Variants in ATXN10 observed in about 807,000 individuals in gnomAD.
The protein encoded by ATXN10 is ataxin-10.
Under a neutral mutation model 52.9 loss-of-function variants are expected in ATXN10, and 28 were observed. That is an observed-to-expected ratio of 0.53 (90% CI 0.39 to 0.73). The LOEUF is 0.73. ATXN10 is among the 30% of genes least tolerant of loss of function. The pLI is 0.00. For synonymous variants in ATXN10, 226 were observed against 221.5 expected (o/e 1.02, Z -0.18); for missense variants, 565 against 577.0 (o/e 0.98, Z 0.21).
intron 5 of ATXN10, among the ~76,000 whole-genome samples, chr22:45,711,275 A>G (rs13056267): frequency 6.6e-6 from 1 of 152,158 alleles, no homozygotes; most frequent in African/African-American, 2.4e-5. Context: ...ATGAATCCCC[A>G]AAGGTTAAAT....
In ATXN10 at chr22:45,795,490, A is replaced by T. The variant is rs1218892726; in HGVS notation, c.1174-11469A>T. ...CAGTGGCGCGATCTCAGCTCACTGC[A>T]ACCTCTGCCTACCAGGTTCAAGCAA... is the stretch of plus-strand genomic sequence containing the variant. On this transcript the variant is annotated intron_variant, in intron 9 of 11. Transcript: ENST00000252934. This position sits in a 1 kb window ranked among gnomAD's most constrained non-coding sequence, Gnocchi z 4.6. Among the ~76,000 whole-genome samples, 1 of 151,876 alleles carries T rather than the reference A, an allele frequency of 6.6e-6. No individual in the cohort carries two copies.
At chr22:45,773,910 C>T (rs1926862806) in intron 9 of ATXN10, among the ~76,000 whole-genome samples, 1 of 152,190 alleles carries the variant, frequency 6.6e-6, no homozygotes, top group Non-Finnish European at 1.5e-5. Context: ...ATGGGTTTAT[C>T]CACAGGTGTA....
At position 45,740,384 on chromosome 22, in the gene ATXN10, T is replaced by C. The variant is rs1201696862; in HGVS notation, c.1019T>C (p.Ile340Thr). 1 of 1,613,788 alleles carries C rather than the reference T, an allele frequency of 6.2e-7. No individual in the cohort carries two copies. The highest frequency in any genetic ancestry group is 8.5e-7 in the Non-Finnish European group (1 of 1,179,890). The change falls in exon 9 of 12, where the codon ATT becomes ACT. Residue 340 changes from isoleucine to threonine, a missense_variant. By Grantham distance (89) the Ile-to-Thr change is moderately conservative (BLOSUM62 -1). Transcript: ENST00000252934. Reference sequence around the variant, plus strand: ...TTGGTTATAGATCTTTTGCGGGTGATTCATGTAGCTGGAAAAGAAACCACA... The same window carrying C: ...TTGGTTATAGATCTTTTGCGGGTGACTCATGTAGCTGGAAAAGAAACCACA... ...LERVIDLLRV[I>T]HVAGKETTNI...
rs541463691 is a variant in ATXN10 at position 45,750,360 on chromosome 22, T to C, written c.1173+9822T>C. 6.6e-6 allele frequency among the ~76,000 whole-genome samples: 1 copy of C among 152,238 alleles called. No individual in the cohort carries two copies. Among genetic ancestry groups the C allele is most frequent in the South Asian group, 2.1e-4 (1 of 4,822 alleles). On this transcript the variant is annotated intron_variant, in intron 9 of 11. Coordinates refer to ENST00000252934, the MANE Select transcript of ATXN10 (RefSeq NM_013236.4). This position sits in a 1 kb window ranked among gnomAD's most constrained non-coding sequence, Gnocchi z 4.2. Reference sequence around the variant, plus strand: ...GTCTGTCCACCTTGGCCTCCCAAAGTGCTAGGATTACAGGTGTGAGTCACC... The same window carrying C: ...GTCTGTCCACCTTGGCCTCCCAAAGCGCTAGGATTACAGGTGTGAGTCACC...
intron 1 of ATXN10, chr22:45,680,278 TGTC>T (rs1378274344): frequency 1.3e-5 from 2 of 152,332 alleles, no homozygotes; most frequent in East Asian, 3.9e-4. Flanking sequence ...TTGGTGTCAT[TGTC>T]ATCATCATCA....
chr22:45,733,650 G>C lies in ATXN10; in HGVS notation c.894+4060G>C, dbSNP rs1345579081. On this transcript the variant is annotated intron_variant, in intron 7 of 11. Coordinates refer to ENST00000252934, the MANE Select transcript of ATXN10 (RefSeq NM_013236.4). This position sits in a 1 kb window ranked among gnomAD's most constrained non-coding sequence, Gnocchi z 4.4. ...ACTCGGGAGGCTGTCCCAGCTACTC[G>C]GGAGGCGGAGGCAGAGAATCACGTG... 6.6e-6 allele frequency among the ~76,000 whole-genome samples: 1 copy of C among 152,010 alleles called. No individual in the cohort carries two copies. Among genetic ancestry groups the C allele is most frequent in the East Asian group, 1.9e-4 (1 of 5,170 alleles).
intron 9 of ATXN10, among the ~76,000 whole-genome samples, chr22:45,800,726 A>G (rs1383192950): frequency 6.6e-6 from 1 of 152,270 alleles, no homozygotes; most frequent in Non-Finnish European, 1.5e-5. Context: ...AATAAATGGT[A>G]GTATATTCAT....
rs560704961 is a variant in ATXN10, at chr22:45,721,483, C to T, written c.728+2990C>T. 7.9e-5 allele frequency among the ~76,000 whole-genome samples: 12 copies of T among 152,318 alleles called. No homozygotes were observed. In the East Asian group the frequency reaches 1.9e-3, roughly 24 times the overall value. On this transcript the variant is annotated intron_variant, in intron 6 of 11. Transcript: ENST00000252934. ...AATGGTCACCCCCGTAAACGTGTTGCAGGGAAGAAGATAATTGACTTTGGC... is the reference window on the plus strand; with the variant it reads ...AATGGTCACCCCCGTAAACGTGTTGTAGGGAAGAAGATAATTGACTTTGGC...
intron 9 of ATXN10, among the ~76,000 whole-genome samples, chr22:45,767,584 G>T (rs1341268377): frequency 6.6e-6 from 1 of 151,962 alleles, no homozygotes; most frequent in Non-Finnish European, 1.5e-5. Context: ...AAAATTCTTT[G>T]AGTGTGCCTG....
At chr22:45,808,303 A>G (rs553567350) in intron 10 of ATXN10, among the ~76,000 whole-genome samples, 2 of 152,348 alleles carry the variant, frequency 1.3e-5, no homozygotes, top group African/African-American at 4.8e-5. Flanking sequence ...GCATTTCCCA[A>G]TGAAAACGAT....
rs538817757 is a variant in ATXN10 at position 45,706,000 on chromosome 22, C to G, written c.647+3153C>G. 7.9e-4 allele frequency among the ~76,000 whole-genome samples: 121 copies of G among 152,290 alleles called. 1 individual carries two copies. The highest frequency in any genetic ancestry group is 2.5e-4 in the Non-Finnish European group (17 of 68,020). ...TTAGGAGCACAAACCCTGTTGTGAA[C>G]TGCGCATGCGAGGGATCTAGGTCTC... On this transcript the variant is annotated intron_variant, in intron 5 of 11. Transcript: ENST00000252934. The surrounding 1 kb of genome is among the most constrained non-coding windows in gnomAD (Gnocchi z 5.2).
In ATXN10 at chr22:45,712,379, C is replaced by T. The variant is rs1386936423; in HGVS notation, c.648-6034C>T. On this transcript the variant is annotated intron_variant, in intron 5 of 11. Transcript: ENST00000252934. The surrounding 1 kb of genome is among the most constrained non-coding windows in gnomAD (Gnocchi z 4.6). ...TCCTTTTCATTATCTGCTTTTGCTT[C>T]AGGAGGGAAACATAGTTTAATTTCT... is the stretch of plus-strand genomic sequence containing the variant. 1.3e-5 allele frequency among the ~76,000 whole-genome samples: 2 copies of T among 152,224 alleles called. No individual in the cohort carries two copies. Among genetic ancestry groups the T allele is most frequent in the Non-Finnish European group, 2.9e-5 (2 of 68,036 alleles).
At chr22:45,743,750 G>A (rs1245931709) in intron 9 of ATXN10, among the ~76,000 whole-genome samples, 1 of 152,188 alleles carries the variant, frequency 6.6e-6, no homozygotes. Flanking sequence ...TGTGCTTAGT[G>A]AATTACATAT....
intron 10 of ATXN10, 197 bp downstream of exon 10, chr22:45,807,219 G>A: frequency 3.0e-6 from 2 of 670,552 alleles, no homozygotes; most frequent in Non-Finnish European, 5.5e-6. Context: ...TGGTAAGCTA[G>A]TTTTTTCATG....
At chr22:45,699,221 C>T (rs1437972493) in intron 3 of ATXN10, among the ~76,000 whole-genome samples, 3 of 152,070 alleles carry the variant, frequency 2.0e-5, no homozygotes, top group African/African-American at 7.2e-5. Flanking sequence ...ACATAAAGAT[C>T]AGTTGATAAG....
chr22:45,775,480 AT>A lies in ATXN10; in HGVS notation c.1174-31475del, dbSNP rs1926920449. ...TTAGTTGTCTTTATTCTGTTCAAAC[AT>A]TTTCTTGTTTACTTGTTGAAGCAGG... On this transcript the variant is annotated intron_variant, in intron 9 of 11. Coordinates refer to ENST00000252934, the MANE Select transcript of ATXN10 (RefSeq NM_013236.4). The surrounding 1 kb of genome is among the most constrained non-coding windows in gnomAD (Gnocchi z 4.7). 6.6e-6 allele frequency among the ~76,000 whole-genome samples: 1 copy of A among 152,064 alleles called. No individual in the cohort carries two copies. Among genetic ancestry groups the A allele is most frequent in the Non-Finnish European group, 1.5e-5 (1 of 68,012 alleles).
At chr22:45,751,490 C>T (rs1452786344) in intron 9 of ATXN10, among the ~76,000 whole-genome samples, 2 of 151,236 alleles carry the variant, frequency 1.3e-5, no homozygotes, top group Non-Finnish European at 2.9e-5. Context: ...GATCATTCTT[C>T]CACTGTTATA....
rs1338632732 is a variant in ATXN10, at chr22:45,775,843, C to T, written c.1174-31116C>T. On this transcript the variant is annotated intron_variant, in intron 9 of 11. Coordinates refer to ENST00000252934, the MANE Select transcript of ATXN10 (RefSeq NM_013236.4). This position sits in a 1 kb window ranked among gnomAD's most constrained non-coding sequence, Gnocchi z 4.7. ...ACAGCCTCTAACCTGATAGATCATT[C>T]CGCCCCTCACAGCCAGCCGGGAGGT... Among the ~76,000 whole-genome samples, 1 of 151,796 alleles carries T rather than the reference C, an allele frequency of 6.6e-6. No homozygotes were observed. The highest frequency in any genetic ancestry group is 1.5e-5 in the Non-Finnish European group (1 of 68,038).
At chr22:45,776,336 G>C (rs1857841541) in intron 9 of ATXN10, among the ~76,000 whole-genome samples, 1 of 152,126 alleles carries the variant, frequency 6.6e-6, no homozygotes, top group African/African-American at 2.4e-5. Flanking sequence ...GCATGTCACT[G>C]AAGAAGGTGT....
Sources: gnomAD v4.1 joint callset for allele counts (sites outside exome capture counted in the v4.1 genomes callset) on GRCh38, gnomAD v4.1.1 for gene constraint, Gnocchi (gnomAD v3.1) non-coding constraint, MANE v1.5 for transcripts, NCBI Gene and HGNC (gene_info 2026-07-23, HGNC 2026-07-21) for gene names.